CNTN5: variants seen among roughly 807,000 people sequenced by gnomAD.
CNTN5 encodes contactin 5, also known as contactin-5.
A neutral mutation model predicts 129.1 loss-of-function variants in CNTN5; 77 were observed. The observed-to-expected ratio is 0.60, with a 90% CI of 0.50 to 0.72. CNTN5 has a LOEUF of 0.72. Among genes scored for constraint, CNTN5 ranks in the 30% least tolerant of loss-of-function variants. The pLI, the probability that CNTN5 is intolerant of heterozygous loss-of-function variation, is 0.00. For missense variants in CNTN5, 1,478 were observed against 1,328.8 expected (o/e 1.11, Z -1.75); for synonymous variants, 509 against 465.6 (o/e 1.09, Z -1.20).
intron 2 of CNTN5, among the ~76,000 whole-genome samples, chr11:99,411,333 A>G (rs1942381130): frequency 6.6e-6 from 1 of 152,086 alleles, no homozygotes; most frequent in Non-Finnish European, 1.5e-5. Flanking sequence ...AGCCTGGGCA[A>G]CATGGTGAAA....
intron 6 of CNTN5, among the ~76,000 whole-genome samples, chr11:99,850,319 G>T (rs1947832529): frequency 6.6e-6 from 1 of 152,240 alleles, no homozygotes; most frequent in Non-Finnish European, 1.5e-5. Flanking sequence ...ACAGGACAAA[G>T]ATAACTGCAG....
intron 2 of CNTN5, among the ~76,000 whole-genome samples, chr11:99,339,832 A>G (rs1029056535): frequency 2.6e-5 from 4 of 151,836 alleles, no homozygotes; most frequent in African/African-American, 7.3e-5. Context: ...ATTTGATTGG[A>G]CTAGAGAAGA....
chr11:100,356,401 G>A lies in CNTN5; in HGVS notation c.*181G>A. ...TTACTTATCCATCAGGTTTCTCTTT[G>A]GTTTTTGTAAACGGAGAGGACAGTT... On this transcript the variant is annotated 3_prime_UTR_variant, in exon 25 of 25. Transcript: ENST00000524871. The A allele has an allele frequency of 5.1e-6, 3 of 588,782 alleles. No individual in the cohort carries two copies. The highest frequency in any genetic ancestry group is 9.1e-6 in the Non-Finnish European group (3 of 330,186). 36.5% of individuals were successfully genotyped at this position (588,782 alleles called of 1,614,324 possible).
At chr11:99,949,009 A>T (rs554470011) in intron 7 of CNTN5, among the ~76,000 whole-genome samples, 1 of 152,284 alleles carries the variant, frequency 6.6e-6, no homozygotes, top group South Asian at 2.1e-4. Context: ...CTCACTTACC[A>T]GTGCTGCAGT....
At chr11:99,403,322 C>A (rs1297324948) in intron 2 of CNTN5, among the ~76,000 whole-genome samples, 1 of 152,004 alleles carries the variant, frequency 6.6e-6, no homozygotes, top group African/African-American at 2.4e-5. Flanking sequence ...GATAAGCCAA[C>A]TTTTTGATTC....
intron 7 of CNTN5, among the ~76,000 whole-genome samples, chr11:99,926,105 G>T (rs939421709): frequency 6.6e-6 from 1 of 152,268 alleles, no homozygotes; most frequent in Non-Finnish European, 1.5e-5. Context: ...CTCAATGGTT[G>T]GAGGACAGTG....
chr11:99,996,412 AT>A (rs1257091616), intron 8 of CNTN5, among the ~76,000 whole-genome samples: 1 of 151,924 alleles, frequency 6.6e-6, no homozygotes, highest in Non-Finnish European at 1.5e-5. Context: ...AATGCTCTCT[AT>A]TTTTCAGATT....
chr11:99,843,377 T>C (rs960836299), intron 4 of CNTN5, among the ~76,000 whole-genome samples: 2 of 152,224 alleles, frequency 1.3e-5, no homozygotes, highest in African/African-American at 2.4e-5. Context: ...TAAAGAAATA[T>C]ATTTAAAGAA....
chr11:100,222,666 A>G (rs1357970176), intron 15 of CNTN5, among the ~76,000 whole-genome samples: 1 of 151,886 alleles, frequency 6.6e-6, no homozygotes, highest in Non-Finnish European at 1.5e-5. Context: ...TAAAAAAAAA[A>G]GCCACAAAAC....
intron 1 of CNTN5, chr11:99,049,911 C>T (rs1864359994): frequency 6.6e-6 from 1 of 151,998 alleles, no homozygotes; most frequent in Non-Finnish European, 1.5e-5. Context: ...CCATGTTTTC[C>T]AATTTAAAAA....
At chr11:100,030,883 A>G (rs17695172) in intron 9 of CNTN5, among the ~76,000 whole-genome samples, 14,226 of 152,240 alleles carry the variant, frequency 0.093, 868 homozygotes, top group East Asian at 0.21. Flanking sequence ...TCTAAGAATC[A>G]GGGATGGATC....
intron 1 of CNTN5, among the ~76,000 whole-genome samples, chr11:99,074,872 A>G (rs1865496631): frequency 6.6e-6 from 1 of 152,238 alleles, no homozygotes; most frequent in South Asian, 2.1e-4. Context: ...TTAAATTACA[A>G]CATGTACCAG....
intron 2 of CNTN5, among the ~76,000 whole-genome samples, chr11:99,547,378 T>C (rs1948334594): frequency 1.3e-5 from 2 of 152,152 alleles, no homozygotes; most frequent in Non-Finnish European, 2.9e-5. Flanking sequence ...GACAAATCAT[T>C]TGAGATAGAC....
At chr11:99,166,692 C>A (rs1477262233) in intron 1 of CNTN5, among the ~76,000 whole-genome samples, 16 of 151,778 alleles carry the variant, frequency 1.1e-4, no homozygotes. Flanking sequence ...AGTTATACAG[C>A]TGACACAGTA....
chr11:99,784,381 T>A (rs1223925370), intron 3 of CNTN5, among the ~76,000 whole-genome samples: 1 of 151,974 alleles, frequency 6.6e-6, no homozygotes, highest in Non-Finnish European at 1.5e-5. Flanking sequence ...CTCCCATTTA[T>A]GAGTGAGAAC....
At chr11:99,957,599 G>A (rs1271124585) in intron 8 of CNTN5, among the ~76,000 whole-genome samples, 1 of 152,096 alleles carries the variant, frequency 6.6e-6, no homozygotes, top group East Asian at 1.9e-4. Flanking sequence ...GTACAGTTAA[G>A]CATTGCATTA....
At chr11:99,441,586 C>T (rs1943829957) in intron 2 of CNTN5, among the ~76,000 whole-genome samples, 1 of 152,146 alleles carries the variant, frequency 6.6e-6, no homozygotes, top group South Asian at 2.1e-4. Context: ...ACTAGCATCT[C>T]CTTCTTCCCT....
At chr11:99,813,132 TA>T (rs539875826) in intron 3 of CNTN5, among the ~76,000 whole-genome samples, 2 of 152,076 alleles carry the variant, frequency 1.3e-5, no homozygotes, top group African/African-American at 2.4e-5. Context: ...AGGCATTCAT[TA>T]AAAAGTTATT....
chr11:100,135,183 T>TG (rs1403114670), intron 13 of CNTN5, among the ~76,000 whole-genome samples: 11 of 150,656 alleles, frequency 7.3e-5, no homozygotes, highest in African/African-American at 1.2e-4. Context: ...AGTGTTTTTT[T>TG]TTTTTTTTTT....
Sources: gnomAD v4.1 joint callset for allele counts (sites outside exome capture counted in the v4.1 genomes callset) on GRCh38, gnomAD v4.1.1 for gene constraint, MANE v1.5 for transcripts, NCBI Gene and HGNC (gene_info 2026-07-23, HGNC 2026-07-21) for gene names.